ECE1: variants seen among roughly 807,000 people sequenced by gnomAD.
The protein encoded by ECE1 is endothelin-converting enzyme 1.
Under a neutral mutation model 98.6 loss-of-function variants are expected in ECE1, and 35 were observed. That is an observed-to-expected ratio of 0.35 (90% CI 0.27 to 0.47). ECE1 has a LOEUF of 0.47. Ranked by LOEUF, ECE1 falls within the 20% of genes least tolerant of loss-of-function variation. The pLI, the probability that ECE1 is intolerant of heterozygous loss-of-function variation, is 1.00. For synonymous variants in ECE1, 394 were observed against 407.1 expected (o/e 0.97, Z 0.39); for missense variants, 814 against 1,025.3 (o/e 0.79, Z 2.81).
chr1:21,338,758 C>T (rs1639347923), intron 1 of ECE1, among the ~76,000 whole-genome samples: 1 of 152,218 alleles, frequency 6.6e-6, no homozygotes, highest in Admixed American at 6.5e-5. Context: ...ATGACCAGAT[C>T]AGAGCCTGGG....
At position 21,340,299 on chromosome 1, in the gene ECE1, G is replaced by T. The variant is rs947177632; in HGVS notation, c.3+5077C>A. Among the ~76,000 whole-genome samples, 24 of 152,364 alleles carry T rather than the reference G, an allele frequency of 1.6e-4. No individual in the cohort carries two copies. The highest frequency in any genetic ancestry group is 5.8e-4 in the African/African-American group (24 of 41,590). ...ACATTCAGGAGAAGGGGCTGTCTGG[G>T]ACCTCTGTCTGGGGCCACAGCCTCC... On this transcript the variant is annotated intron_variant, in intron 1 of 18. Transcript: ENST00000415912. The surrounding 1 kb of genome is among the most constrained non-coding windows in gnomAD (Gnocchi z 4.6).
chr1:21,234,765 C>A (rs1033266140), intron 13 of ECE1, among the ~76,000 whole-genome samples: 2 of 152,190 alleles, frequency 1.3e-5, no homozygotes, highest in African/African-American at 4.8e-5. Context: ...AAGCATGAGC[C>A]ACTGCGCCTG....
At chr1:21,253,679 C>T (rs372175090) in intron 8 of ECE1, among the ~76,000 whole-genome samples, 2 of 149,822 alleles carry the variant, frequency 1.3e-5, no homozygotes, top group East Asian at 2.0e-4. Context: ...GGGAGAATGG[C>T]GTGAACCCAG....
chr1:21,308,862 C>G (rs1638655258), intron 1 of ECE1, among the ~76,000 whole-genome samples: 1 of 152,170 alleles, frequency 6.6e-6, no homozygotes, highest in African/African-American at 2.4e-5. Context: ...TTGCTAGGAG[C>G]AGTTTTAAAA....
Position 21,231,188 on chromosome 1 carries a change from A to G in ECE1, c.1670+2370T>C, listed in dbSNP as rs374595483. Reference sequence around the variant, plus strand: ...AAAAAGGTTTTGAAAGTAATGGTATATAGTCATGAGGTATTTGGCATTTCA... The same window carrying G: ...AAAAAGGTTTTGAAAGTAATGGTATGTAGTCATGAGGTATTTGGCATTTCA... On this transcript the variant is annotated intron_variant, in intron 14 of 18. Coordinates refer to ENST00000374893, the MANE Select transcript of ECE1 (RefSeq NM_001397.3). Among the ~76,000 whole-genome samples, 7 of 152,310 alleles carry G rather than the reference A, an allele frequency of 4.6e-5. No individual in the cohort carries two copies. In the East Asian group the frequency reaches 9.6e-4, roughly 21 times the overall value.
intron 2 of ECE1, among the ~76,000 whole-genome samples, chr1:21,280,521 C>G (rs1200668710): frequency 2.0e-5 from 3 of 152,152 alleles, no homozygotes; most frequent in African/African-American, 7.2e-5. Context: ...GCACAGAAAG[C>G]CAGGTTAAGA....
intron 2 of ECE1, among the ~76,000 whole-genome samples, chr1:21,281,191 GAAAACAAAAC>G (rs112901908): frequency 0.053 from 7,999 of 151,694 alleles, 284 homozygotes; most frequent in Middle Eastern, 0.085. Context: ...CTCCGTCTCG[GAAAACAAAAC>G]AAAACAAAAC....
At chr1:21,272,354 C>A (rs1036232470) in intron 4 of ECE1, among the ~76,000 whole-genome samples, 5 of 152,166 alleles carry the variant, frequency 3.3e-5, no homozygotes, top group African/African-American at 1.2e-4. Flanking sequence ...TGCAGTGGCG[C>A]GATCTCGGCT....
At chr1:21,332,945 A>G (rs1397305288) in intron 1 of ECE1, among the ~76,000 whole-genome samples, 3 of 152,102 alleles carry the variant, frequency 2.0e-5, no homozygotes, top group East Asian at 1.9e-4. Flanking sequence ...GTGCCATCCA[A>G]TTCTTGGAGT....
chr1:21,289,934 C>G, intron 2 of ECE1, 136 bp downstream of exon 2: 2 of 1,146,824 alleles, frequency 1.7e-6, no homozygotes, highest in Non-Finnish European at 2.2e-6. Flanking sequence ...AGGCGCGGCC[C>G]CTCCCGGATG....
At chr1:21,292,293 C>T (rs1010738428), upstream of ECE1, among the ~76,000 whole-genome samples, 3 of 151,324 alleles carry the variant, frequency 2.0e-5, no homozygotes, top group Non-Finnish European at 4.4e-5. Flanking sequence ...TCTTGTGCTG[C>T]CAGCGCCCCC....
chr1:21,276,429 C>T lies in ECE1; in HGVS notation c.280+2762G>A, dbSNP rs544139891. Among the ~76,000 whole-genome samples, 36 of 152,258 alleles carry T rather than the reference C, an allele frequency of 2.4e-4. No individual in the cohort carries two copies. The South Asian group carries it at 7.3e-3, about 31-fold the overall frequency. ...AAACATTTCTTTCCGTTGGGACATGCGTGATCAATTGAGAAAGCAGAAACA... is the reference window on the plus strand; with the variant it reads ...AAACATTTCTTTCCGTTGGGACATGTGTGATCAATTGAGAAAGCAGAAACA... On this transcript the variant is annotated intron_variant, in intron 3 of 18. Transcript: ENST00000374893.
chr1:21,232,261 A>C (rs544712294), intron 14 of ECE1, among the ~76,000 whole-genome samples: 1 of 152,008 alleles, frequency 6.6e-6, no homozygotes, highest in East Asian at 1.9e-4. Context: ...AACTGGGCTG[A>C]CTACATCTAA....
intron 1 of ECE1, among the ~76,000 whole-genome samples, chr1:21,297,325 G>C (rs1032626997): frequency 6.6e-6 from 1 of 152,036 alleles, no homozygotes; most frequent in Non-Finnish European, 1.5e-5. Context: ...ACTCCTACCT[G>C]ATACAGGCCA....
chr1:21,282,605 GAAAGA>G (rs1166258287), intron 2 of ECE1, among the ~76,000 whole-genome samples: 12 of 135,280 alleles, frequency 8.9e-5, no homozygotes, highest in East Asian at 2.2e-4. Context: ...AAAAAAAAAA[GAAAGA>G]AAAGAAAAGA....
At chr1:21,296,703 G>GCCT (rs1165046765) in intron 1 of ECE1, among the ~76,000 whole-genome samples, 3 of 152,188 alleles carry the variant, frequency 2.0e-5, no homozygotes, top group Non-Finnish European at 4.4e-5. Context: ...GAAGCAGCTT[G>GCCT]CCAGAGCTGG....
intron 1 of ECE1, among the ~76,000 whole-genome samples, chr1:21,338,884 T>G (rs1011352331): frequency 3.3e-5 from 5 of 152,158 alleles, no homozygotes; most frequent in African/African-American, 1.2e-4. Flanking sequence ...GTAACCTAAC[T>G]CTGCCTGGCT....
At chr1:21,279,677 C>T (rs1300519182) in intron 2 of ECE1, 8 of 1,401,694 alleles carry the variant, frequency 5.7e-6, no homozygotes, top group Non-Finnish European at 7.4e-6. Flanking sequence ...GACTTGCAGG[C>T]ATCCAGTGAG....
rs552348300 is a variant in ECE1, at chr1:21,251,375, C to T, written c.1021-4012G>A. Among the ~76,000 whole-genome samples the T allele has an allele frequency of 3.9e-5, 6 of 152,106 alleles. No homozygotes were observed. The South Asian group carries it at 6.2e-4, about 16-fold the overall frequency. ...TAAAAGTATAAAAAAATTAGCCAGG[C>T]GTGGTGGTGCACGCCTGTAATCCCA... is the stretch of plus-strand genomic sequence containing the variant. On this transcript the variant is annotated intron_variant, in intron 8 of 18. Transcript: ENST00000374893.
Sources: allele counts gnomAD v4.1 joint callset (sites outside exome capture counted in the v4.1 genomes callset), GRCh38; gene constraint gnomAD v4.1.1; non-coding constraint Gnocchi (gnomAD v3.1); transcripts MANE v1.5; gene names NCBI Gene and HGNC (gene_info 2026-07-23, HGNC 2026-07-21).